Variants in PPFIA3 observed in about 807,000 individuals in gnomAD.
The protein encoded by PPFIA3 is PPFI scaffold protein A3.
Under a neutral mutation model 145.8 loss-of-function variants are expected in PPFIA3, and 26 were observed. That is an observed-to-expected ratio of 0.18 (90% CI 0.13 to 0.25). The LOEUF (loss-of-function observed/expected upper bound fraction) is 0.25. PPFIA3 is among the 10% of genes least tolerant of loss of function. The pLI is 1.00. For missense variants in PPFIA3, 1,008 were observed against 1,587.8 expected, an observed-to-expected ratio of 0.63 and a Z score of 6.21; for synonymous variants, 645 against 661.4, an observed-to-expected ratio of 0.98 and a Z score of 0.38.
chr19:49,143,076 C>A, intron 21 of PPFIA3, 72 bp downstream of exon 21: 1 of 1,509,366 alleles, frequency 6.6e-7, no homozygotes. Flanking sequence ...TCTAGCCAAT[C>A]CTGGGCCTGC....
chr19:49,125,951 G>GT (rs2040992568), intron 1 of PPFIA3, among the ~76,000 whole-genome samples: 2 of 150,898 alleles, frequency 1.3e-5, no homozygotes, highest in East Asian at 3.9e-4. Flanking sequence ...TTGTTTGTTT[G>GT]TTTGTTTTGT....
In PPFIA3 at chr19:49,135,849, G is replaced by T. The variant is rs1251387072; in HGVS notation, c.1591G>T (p.Asp531Tyr). 6.2e-7 allele frequency: 1 copy of T among 1,613,854 alleles called. No individual in the cohort carries two copies. Among genetic ancestry groups the T allele is most frequent in the Non-Finnish European group, 8.5e-7 (1 of 1,179,966 alleles). ...APTLPSGAHL[D>Y]PYVAGSGRAG... is the part of the protein sequence containing the mutation. ...CACTTTACCTTCTGGTGCCCACCTG[G>T]ATCCCTATGTGGCTGGCAGTGGTCG... Residue 531 changes from aspartate (D) to tyrosine (Y), a missense_variant, in exon 14 of 30, where the codon GAT becomes TAT. This residue lies in a region of PPFIA3 where 121 missense variants were observed against 138.2 expected (regional missense o/e 0.88). Coordinates refer to ENST00000334186, the MANE Select transcript of PPFIA3 (RefSeq NM_003660.4).
chr19:49,139,489 CAAAAAAAA>C (rs370199974), intron 16 of PPFIA3, among the ~76,000 whole-genome samples, 171 bp from the exon 17 acceptor site: 1 of 64,442 alleles, frequency 1.6e-5, no homozygotes. Flanking sequence ...AACTCCATCT[CAAAAAAAA>C]AAAAAAAAAA....
intron 7 of PPFIA3, 33 bp from the exon 8 acceptor site, chr19:49,132,968 C>T (rs1203108609): frequency 2.5e-6 from 4 of 1,598,510 alleles, no homozygotes; most frequent in Non-Finnish European, 3.4e-6. Flanking sequence ...CCCAGGGGCT[C>T]GCAGTCCACG....
chr19:49,131,690 T>C (rs2041074827), intron 7 of PPFIA3, among the ~76,000 whole-genome samples: 1 of 147,512 alleles, frequency 6.8e-6, no homozygotes, highest in African/African-American at 2.5e-5. Context: ...GGCGTGGTGG[T>C]GGGTGCCTTT....
chr19:49,139,783 T>C lies in PPFIA3; in HGVS notation c.2192T>C (p.Leu731Ser). 6.2e-7 allele frequency: 1 copy of C among 1,611,428 alleles called. No homozygotes were observed. Among genetic ancestry groups the C allele is most frequent in the South Asian group, 1.1e-5 (1 of 90,998 alleles). The change falls in exon 17 of 30, where the codon TTG (leucine) becomes TCG (serine). Residue 731 changes from leucine to serine, a missense_variant. Around this residue, in one of 11 missense-constraint regions of PPFIA3, gnomAD observed 202 missense variants for 241.8 expected, o/e 0.84. Transcript: ENST00000334186. The stretch of plus-strand genomic sequence containing the variant: ...CGTCTTGAGAGAATGACCCAGGCCT[T>C]GGCACTGCAGGCGGGGTCCCTGGAA... ...SARLERMTQALALQAGSLEDG... is the reference protein window; with the variant it reads ...SARLERMTQASALQAGSLEDG...
Position 49,142,626 on chromosome 19 carries a change from T to G in PPFIA3, c.2545-178T>G, listed in dbSNP as rs890882760. Among the ~76,000 whole-genome samples the G allele has an allele frequency of 4.8e-5, 6 of 124,132 alleles. No individual in the cohort carries two copies. The East Asian group carries it at 1.8e-3, about 36-fold the overall frequency. The allele number at this position is 124,132 out of a possible 152,430, so 81.4% of individuals were successfully genotyped here. A position where few individuals can be genotyped will look rare whatever the true frequency, so the allele number is the denominator to read the frequency against. Reference sequence around the variant, plus strand: ...CTCCCTATTTGTCTCCCTCGGACTCTCCCTCATCTCGTCCACGTCTCTTTT... The same window carrying G: ...CTCCCTATTTGTCTCCCTCGGACTCGCCCTCATCTCGTCCACGTCTCTTTT... On this transcript the variant is annotated intron_variant, in intron 20 of 29. Coordinates refer to ENST00000334186, the MANE Select transcript of PPFIA3 (RefSeq NM_003660.4).
chr19:49,147,317 T>A (rs2041291634), intron 23 of PPFIA3, among the ~76,000 whole-genome samples: 1 of 152,126 alleles, frequency 6.6e-6, no homozygotes, highest in Non-Finnish European at 1.5e-5. Flanking sequence ...CTTGGAAGAC[T>A]GAGGCAGGAG....
chr19:49,119,688 C>T lies in PPFIA3; in HGVS notation c.-50C>T, dbSNP rs1417899883. The T allele has an allele frequency of 2.7e-5, 4 of 149,694 alleles. No homozygotes were observed. Among genetic ancestry groups the T allele is most frequent in the Admixed American group, 1.3e-4 (2 of 15,074 alleles). The allele number at this position is 149,694 out of a possible 1,614,324, so 9.3% of individuals were successfully genotyped here. A position where few individuals can be genotyped will look rare whatever the true frequency, so the allele number is the denominator to read the frequency against. Reference sequence around the variant, plus strand: ...ACTCCACCCCACGTCCCTCCTGCAGCCCAGCTCCGCCCGCAGCCGCCGCGG... The same window carrying T: ...ACTCCACCCCACGTCCCTCCTGCAGTCCAGCTCCGCCCGCAGCCGCCGCGG... On this transcript the variant is annotated 5_prime_UTR_variant, in exon 1 of 30. Transcript: ENST00000334186.
At position 49,149,227 on chromosome 19, in the gene PPFIA3, C is replaced by T. The variant is rs1347618218; in HGVS notation, c.3286-30C>T. The T allele has an allele frequency of 2.5e-6, 4 of 1,614,018 alleles. No homozygotes were observed. Among genetic ancestry groups the T allele is most frequent in the Non-Finnish European group, 1.7e-6 (2 of 1,179,994 alleles). On this transcript the variant is annotated intron_variant, in intron 26 of 29. Coordinates refer to ENST00000334186, the MANE Select transcript of PPFIA3 (RefSeq NM_003660.4). The surrounding 1 kb of genome is among the most constrained non-coding windows in gnomAD (Gnocchi z 5.7). ...GTCCCCACCTCGCAGACTGCACGCTCCAACCGCCCCCTCCACCTCCTCTTT... is the reference window on the plus strand; with the variant it reads ...GTCCCCACCTCGCAGACTGCACGCTTCAACCGCCCCCTCCACCTCCTCTTT...
At chr19:49,146,701 G>A (rs1219661165) in intron 23 of PPFIA3, among the ~76,000 whole-genome samples, 1 of 152,160 alleles carries the variant, frequency 6.6e-6, no homozygotes, top group African/African-American at 2.4e-5. Context: ...AGGCTGAGGT[G>A]GGCAGATCAC....
chr19:49,147,987 A>G (rs1310817465), intron 23 of PPFIA3, 96 bp from the exon 24 acceptor site: 2 of 1,349,276 alleles, frequency 1.5e-6, no homozygotes, highest in Admixed American at 4.5e-5. Flanking sequence ...GGGGTGGGAA[A>G]AAACCTTGGA....
At chr19:49,144,385 G>A (rs1173575721) in intron 21 of PPFIA3, among the ~76,000 whole-genome samples, 1 of 152,184 alleles carries the variant, frequency 6.6e-6, no homozygotes, top group African/African-American at 2.4e-5. Flanking sequence ...CATGAGGTCA[G>A]GTGGGGGATT....
chr19:49,146,478 G>T, intron 23 of PPFIA3: 1 of 535,368 alleles, frequency 1.9e-6, no homozygotes, highest in Non-Finnish European at 3.3e-6. Flanking sequence ...TGTAGCTCAG[G>T]AGAGACTGAG....
In PPFIA3 at chr19:49,127,837, C is replaced by T. The variant is rs1166499092; in HGVS notation, c.-15-22C>T. ...TGTGCCTTGACAAGGCCGGTCTGTT[C>T]CTTGCCCTCCCCGCCCCGCAGGCCC... is the stretch of plus-strand genomic sequence containing the variant. On this transcript the variant is annotated intron_variant, in intron 1 of 29. Coordinates refer to ENST00000334186, the MANE Select transcript of PPFIA3 (RefSeq NM_003660.4). 1.1e-5 allele frequency: 17 copies of T among 1,587,880 alleles called. No individual in the cohort carries two copies. The Middle Eastern group carries it at 5.1e-4, about 47-fold the overall frequency.
At chr19:49,134,796 G>A in intron 12 of PPFIA3, 40 bp from the exon 13 acceptor site, 1 of 1,607,674 alleles carries the variant, frequency 6.2e-7, no homozygotes. Flanking sequence ...CTCCTGGGCG[G>A]AGCAGATTCT....
chr19:49,138,649 C>T (rs992284274), intron 16 of PPFIA3, among the ~76,000 whole-genome samples: 3 of 152,214 alleles, frequency 2.0e-5, no homozygotes, highest in Admixed American at 1.3e-4. Flanking sequence ...TTTTATTTCT[C>T]ATGCGTCAAG....
chr19:49,142,782 T>TC, intron 20 of PPFIA3, 22 bp from the exon 21 acceptor site: 2 of 1,605,620 alleles, frequency 1.2e-6, no homozygotes, highest in Non-Finnish European at 1.7e-6. Context: ...GTCCCCTCTG[T>TC]CCCTCTGTCC....
chr19:49,143,831 C>T (rs1473975192), intron 21 of PPFIA3, among the ~76,000 whole-genome samples: 3 of 151,952 alleles, frequency 2.0e-5, no homozygotes, highest in Admixed American at 6.6e-5. Flanking sequence ...ACTTGAAATA[C>T]GTGGGACCAG....
Sources: allele counts gnomAD v4.1 joint callset (sites outside exome capture counted in the v4.1 genomes callset), GRCh38; gene constraint gnomAD v4.1.1; regional missense constraint gnomAD v4.1.1; non-coding constraint Gnocchi (gnomAD v3.1); transcripts MANE v1.5; gene names NCBI Gene and HGNC (gene_info 2026-07-23, HGNC 2026-07-21).